Variants in PCNX2 observed in about 807,000 individuals in gnomAD.
PCNX2 encodes the protein pecanex-like protein 2.
In PCNX2, 168 loss-of-function variants were observed where a neutral mutation model predicts 223.8. The observed-to-expected ratio is 0.75, with a 90% CI of 0.66 to 0.85. The LOEUF (loss-of-function observed/expected upper bound fraction) is 0.85, where lower values mean the gene tolerates loss of function less well. Ranked by LOEUF, PCNX2 falls within the 40% of genes least tolerant of loss-of-function variation. The pLI is 0.00. For synonymous variants in PCNX2, 1,006 were observed against 1,052.6 expected, an observed-to-expected ratio of 0.96 and a Z score of 0.86; for missense variants, 2,507 against 2,675.5, an observed-to-expected ratio of 0.94 and a Z score of 1.39.
chr1:233,028,819 A>C (rs1477851208), intron 25 of PCNX2, among the ~76,000 whole-genome samples: 1 of 150,556 alleles, frequency 6.6e-6, no homozygotes, highest in East Asian at 1.9e-4. Flanking sequence ...CAACTTTTTA[A>C]ATTTGTATTC....
intron 21 of PCNX2, among the ~76,000 whole-genome samples, chr1:233,103,557 C>T (rs1674609517): frequency 6.6e-6 from 1 of 152,060 alleles, no homozygotes; most frequent in Admixed American, 6.6e-5. Flanking sequence ...CTGTGCCCAG[C>T]TTTTTTTACT....
intron 9 of PCNX2, among the ~76,000 whole-genome samples, chr1:233,233,224 T>C (rs1395759837): frequency 1.3e-5 from 2 of 152,148 alleles, no homozygotes. Context: ...TGGATAAACT[T>C]AGTGACAGAG....
Position 233,032,309 on chromosome 1 carries a change from G to A in PCNX2, c.4352-6910C>T, listed in dbSNP as rs576839739. On this transcript the variant is annotated intron_variant, in intron 25 of 33. Coordinates refer to ENST00000258229, the MANE Select transcript of PCNX2 (RefSeq NM_014801.4). ...TAGAGACAGGGGTTTCTCCCTGTTG[G>A]TCATGCTGGTCTCAAACTCCCAATC... Among the ~76,000 whole-genome samples the A allele has an allele frequency of 3.9e-5, 6 of 152,154 alleles. No homozygotes were observed. In the South Asian group the frequency reaches 1.2e-3, roughly 32 times the overall value.
intron 23 of PCNX2, among the ~76,000 whole-genome samples, chr1:233,064,558 C>A (rs955845651): frequency 6.6e-6 from 1 of 152,154 alleles, no homozygotes; most frequent in Non-Finnish European, 1.5e-5. Context: ...CATCACCTAG[C>A]CTGGCATAGA....
At chr1:233,102,766 C>G (rs1674558551) in intron 21 of PCNX2, among the ~76,000 whole-genome samples, 1 of 151,900 alleles carries the variant, frequency 6.6e-6, no homozygotes, top group Non-Finnish European at 1.5e-5. Flanking sequence ...GTTATTAATC[C>G]CTTGTGAGTT....
intron 21 of PCNX2, among the ~76,000 whole-genome samples, chr1:233,121,532 A>G (rs1379932432): frequency 6.6e-6 from 1 of 152,204 alleles, no homozygotes; most frequent in African/African-American, 2.4e-5. Flanking sequence ...GACCCATACA[A>G]ATATGGTCAA....
intron 21 of PCNX2, among the ~76,000 whole-genome samples, chr1:233,096,804 G>A (rs1390877523): frequency 6.6e-6 from 1 of 152,160 alleles, no homozygotes; most frequent in Non-Finnish European, 1.5e-5. Context: ...AGGTCACAAT[G>A]AAAACAGGGC....
At chr1:233,074,254 T>C (rs1416585325) in intron 23 of PCNX2, among the ~76,000 whole-genome samples, 1 of 152,088 alleles carries the variant, frequency 6.6e-6, no homozygotes, top group Non-Finnish European at 1.5e-5. Flanking sequence ...TATGTACGCT[T>C]GAAAAGAATG....
chr1:233,057,792 C>G, intron 23 of PCNX2: 1 of 792,406 alleles, frequency 1.3e-6, no homozygotes, highest in Non-Finnish European at 1.5e-6. Context: ...TCCAGGAGGC[C>G]GAGGTCGCAG....
intron 17 of PCNX2, among the ~76,000 whole-genome samples, chr1:233,164,028 A>C (rs951267611): frequency 6.6e-6 from 1 of 152,218 alleles, no homozygotes; most frequent in Non-Finnish European, 1.5e-5. Context: ...TTCCCTGGAC[A>C]TGTTATTTCT....
chr1:233,066,566 A>G (rs1672617806), intron 23 of PCNX2, among the ~76,000 whole-genome samples: 1 of 152,190 alleles, frequency 6.6e-6, no homozygotes, highest in African/African-American at 2.4e-5. Context: ...GCCCAGCCCC[A>G]CTGCAGCAGC....
chr1:233,240,877 G>A (rs1007562223), intron 8 of PCNX2, among the ~76,000 whole-genome samples: 2 of 152,102 alleles, frequency 1.3e-5, no homozygotes, highest in African/African-American at 2.4e-5. Context: ...CAAAATACAT[G>A]TGCTTCTTCT....
intron 8 of PCNX2, among the ~76,000 whole-genome samples, chr1:233,250,198 A>G (rs1659370592): frequency 6.6e-6 from 1 of 152,268 alleles, no homozygotes; most frequent in Admixed American, 6.5e-5. Context: ...CAAGACGTAC[A>G]GTTTTCCCAA....
rs1433446524 is a variant in PCNX2 at position 233,126,908 on chromosome 1, T to C, written c.3837+8105A>G. 5.9e-5 allele frequency among the ~76,000 whole-genome samples: 9 copies of C among 152,126 alleles called. No homozygotes were observed. Among genetic ancestry groups the C allele is most frequent in the Non-Finnish European group, 1.3e-4 (9 of 68,024 alleles). On this transcript the variant is annotated intron_variant, in intron 21 of 33. Coordinates refer to ENST00000258229, the MANE Select transcript of PCNX2 (RefSeq NM_014801.4). The surrounding 1 kb of genome is among the most constrained non-coding windows in gnomAD (Gnocchi z 4.8). ...AGTCACTGAAGTATGCTGAGAGCTC[T>C]CCCAGAGGTGGCTTTCACCTGCACT...
intron 21 of PCNX2, among the ~76,000 whole-genome samples, chr1:233,110,957 A>T (rs1219621736): frequency 1.3e-5 from 2 of 152,180 alleles, no homozygotes; most frequent in Non-Finnish European, 2.9e-5. Context: ...ATGACTTTTA[A>T]ATGGCACAAA....
rs1469654852 is a variant in PCNX2, at chr1:232,984,364, G to C, written c.6354C>G (p.Ser2118Arg). The change falls in exon 34 of 34, where the codon AGC becomes AGG. Residue 2118 changes from serine (S) to arginine (R), a missense_variant. Transcript: ENST00000258229. ...TGTCGTCCAGGCCCATGTCCTCCTGGCTTGCTCTCCTGCAGACAACCCCGA... is the reference window on the plus strand; with the variant it reads ...TGTCGTCCAGGCCCATGTCCTCCTGCCTTGCTCTCCTGCAGACAACCCCGA... ...DTLGVVCRRA[S>R]QEDMGLDDTA... The C allele has an allele frequency of 5.0e-6, 8 of 1,613,430 alleles. No homozygotes were observed. The highest frequency in any genetic ancestry group is 6.8e-6 in the Non-Finnish European group (8 of 1,179,788).
chr1:233,037,534 TG>T (rs1278876632), intron 25 of PCNX2, among the ~76,000 whole-genome samples: 43 of 130,036 alleles, frequency 3.3e-4, no homozygotes, highest in African/African-American at 1.2e-3. Context: ...TTTTTAGAGA[TG>T]GGGTTTCACT....
At chr1:233,224,360 G>A (rs1463893079) in intron 10 of PCNX2, among the ~76,000 whole-genome samples, 15 of 152,128 alleles carry the variant, frequency 9.9e-5, no homozygotes, top group African/African-American at 2.4e-4. Flanking sequence ...GAACTGCAAC[G>A]GCAGGAACCA....
At chr1:233,270,885 T>C (rs17752790) in intron 1 of PCNX2, among the ~76,000 whole-genome samples, 9,074 of 152,278 alleles carry the variant, frequency 0.06, 377 homozygotes, top group Middle Eastern at 0.092. Flanking sequence ...GATTTGACCA[T>C]ATCAGCAGAG....
Sources: allele counts gnomAD v4.1 joint callset (sites outside exome capture counted in the v4.1 genomes callset), GRCh38; gene constraint gnomAD v4.1.1; non-coding constraint Gnocchi (gnomAD v3.1); transcripts MANE v1.5; gene names NCBI Gene and HGNC (gene_info 2026-07-23, HGNC 2026-07-21).